The following PRDM5 variants were observed in gnomAD, a reference collection of about 807,000 sequenced individuals.
The protein encoded by PRDM5 is PR/SET domain 5, also known as PR domain zinc finger protein 5.
In PRDM5, 56 loss-of-function variants were observed where a neutral mutation model predicts 81.2. That is an observed-to-expected ratio of 0.69 (90% CI 0.56 to 0.86). The LOEUF is 0.86. Among genes scored for constraint, PRDM5 ranks in the 40% least tolerant of loss-of-function variants. The probability of loss-of-function intolerance (pLI) is 0.00; values close to 1 mark genes in which losing one functional copy is unlikely to be tolerated. For missense variants in PRDM5, 697 were observed against 770.1 expected (o/e 0.91, Z 1.12); for synonymous variants, 267 against 256.4 (o/e 1.04, Z -0.39).
At chr4:120,709,624 CT>C (rs1260095098) in intron 15 of PRDM5, among the ~76,000 whole-genome samples, 1 of 152,158 alleles carries the variant, frequency 6.6e-6, no homozygotes, top group Non-Finnish European at 1.5e-5. Context: ...CACAGCACAG[CT>C]TTAATGTTTT....
chr4:120,698,766 T>C (rs1734887743), intron 15 of PRDM5, among the ~76,000 whole-genome samples: 1 of 152,130 alleles, frequency 6.6e-6, no homozygotes, highest in Non-Finnish European at 1.5e-5. Flanking sequence ...TGTCTCACTC[T>C]TCCTCATCTG....
intron 2 of PRDM5, among the ~76,000 whole-genome samples, chr4:120,854,214 T>A (rs1262312209): frequency 2.0e-5 from 3 of 152,198 alleles, no homozygotes; most frequent in African/African-American, 7.2e-5. Context: ...GGGGAGTAAC[T>A]CCAAAAGCAG....
intron 2 of PRDM5, among the ~76,000 whole-genome samples, chr4:120,887,436 C>T (rs1408125571): frequency 1.3e-5 from 2 of 152,180 alleles, no homozygotes; most frequent in Non-Finnish European, 2.9e-5. Flanking sequence ...GCCTCTCTAC[C>T]TGTTCTCCAC....
At chr4:120,744,711 C>G (rs1014770907) in intron 14 of PRDM5, among the ~76,000 whole-genome samples, 4 of 151,482 alleles carry the variant, frequency 2.6e-5, no homozygotes, top group African/African-American at 9.7e-5. Flanking sequence ...GACACATACA[C>G]TCTCCCAAGA....
chr4:120,780,442 T>C (rs1210352318), intron 12 of PRDM5, among the ~76,000 whole-genome samples: 2 of 152,094 alleles, frequency 1.3e-5, no homozygotes, highest in Non-Finnish European at 2.9e-5. Flanking sequence ...AGACTCTGTC[T>C]CCAAAATAAG....
chr4:120,751,672 C>T (rs933759495), intron 14 of PRDM5, among the ~76,000 whole-genome samples: 4 of 152,186 alleles, frequency 2.6e-5, no homozygotes, highest in Non-Finnish European at 5.9e-5. Context: ...TCACCTCAAA[C>T]CCTGGTCTCT....
Position 120,803,270 on chromosome 4 carries a change from C to T in PRDM5, c.946-3525G>A, listed in dbSNP as rs183321985. ...AGTGACAGGGAGAATGGGACCAAGA[C>T]GGAAAACACTCTGCAGGATATTATC... On this transcript the variant is annotated intron_variant, in intron 8 of 15. Transcript: ENST00000264808. Among the ~76,000 whole-genome samples the T allele has an allele frequency of 1.2e-4, 18 of 152,244 alleles. No individual in the cohort carries two copies. In the East Asian group the frequency reaches 3.1e-3, roughly 26 times the overall value.
At chr4:120,713,690 T>C (rs1252516603) in intron 14 of PRDM5, among the ~76,000 whole-genome samples, 2 of 152,212 alleles carry the variant, frequency 1.3e-5, no homozygotes, top group Non-Finnish European at 2.9e-5. Flanking sequence ...ACAGGTACTG[T>C]AGAACGATCC....
At chr4:120,836,942 A>G (rs1436791018) in intron 3 of PRDM5, among the ~76,000 whole-genome samples, 1 of 152,194 alleles carries the variant, frequency 6.6e-6, no homozygotes, top group African/African-American at 2.4e-5. Flanking sequence ...AATAAACCCA[A>G]TATAAAGGGC....
intron 10 of PRDM5, among the ~76,000 whole-genome samples, chr4:120,789,377 A>T (rs995483685): frequency 6.6e-6 from 1 of 152,210 alleles, no homozygotes; most frequent in Non-Finnish European, 1.5e-5. Context: ...GAAATTAAGG[A>T]CCATTTACAA....
chr4:120,874,358 G>A (rs1307262065), intron 2 of PRDM5, among the ~76,000 whole-genome samples: 1 of 152,092 alleles, frequency 6.6e-6, no homozygotes, highest in Admixed American at 6.5e-5. Flanking sequence ...ATGCAAAGTG[G>A]GAGTAGAAAG....
chr4:120,816,915 C>T lies in PRDM5; in HGVS notation c.660G>A (p.Gln220=), dbSNP rs74320998. The change falls in exon 6 of 16, where the codon CAG becomes CAA. Residue 220 remains glutamine (Q), a synonymous_variant. Coordinates refer to ENST00000264808, the MANE Select transcript of PRDM5 (RefSeq NM_018699.4). The stretch of plus-strand genomic sequence containing the variant: ...CCTTTAGACTGCTTTTCGCTGTGCA[C>T]TGAAGAACACTAAAGGGAAATAGGA... The part of the protein sequence containing the change: ...VKQALQRHVL[Q]CTAKSSLKES... 51,953 of 1,609,688 alleles carry T rather than the reference C, an allele frequency of 0.032. 1,014 individuals carry two copies. Among genetic ancestry groups the T allele is most frequent in the Non-Finnish European group, 0.039 (45,444 of 1,175,976 alleles).
At chr4:120,787,824 C>T (rs12509912) in intron 10 of PRDM5, among the ~76,000 whole-genome samples, 30,287 of 151,966 alleles carry the variant, frequency 0.2, 3,672 homozygotes, top group Non-Finnish European at 0.28. Context: ...ATGTCTAGCA[C>T]TACAGGTACT....
chr4:120,844,952 A>G (rs1015949933), intron 3 of PRDM5, among the ~76,000 whole-genome samples: 2 of 152,256 alleles, frequency 1.3e-5, no homozygotes, highest in African/African-American at 4.8e-5. Context: ...AGAAAGTTTG[A>G]GTGGTCTGGA....
intron 2 of PRDM5, among the ~76,000 whole-genome samples, chr4:120,857,802 G>T (rs146035902): frequency 5.3e-5 from 8 of 152,142 alleles, no homozygotes; most frequent in Admixed American, 1.3e-4. Context: ...GTTAAATTGG[G>T]TCAACTATAG....
At chr4:120,727,329 T>C (rs1197517677) in intron 14 of PRDM5, among the ~76,000 whole-genome samples, 6 of 150,446 alleles carry the variant, frequency 4.0e-5, no homozygotes. Context: ...GTGTATGAAA[T>C]GAAACATATA....
At chr4:120,712,160 C>A (rs1160895567) in intron 14 of PRDM5, among the ~76,000 whole-genome samples, 1 of 152,026 alleles carries the variant, frequency 6.6e-6, no homozygotes, top group Non-Finnish European at 1.5e-5. Context: ...GTGGCGGGCA[C>A]CTGTAATTCC....
At chr4:120,699,161 A>AATATAAATATAAAT (rs1286927101) in intron 15 of PRDM5, among the ~76,000 whole-genome samples, 1 of 73,482 alleles carries the variant, frequency 1.4e-5, no homozygotes, top group Non-Finnish European at 2.9e-5. Flanking sequence ...AGGAAATATA[A>AATATAAATATAAAT]ATATATATAT....
At chr4:120,829,326 T>C (rs1307716942) in intron 3 of PRDM5, among the ~76,000 whole-genome samples, 1 of 152,082 alleles carries the variant, frequency 6.6e-6, no homozygotes, top group Non-Finnish European at 1.5e-5. Flanking sequence ...CACAGAAACA[T>C]TTACTCCTAG....
Sources: allele counts gnomAD v4.1 joint callset (sites outside exome capture counted in the v4.1 genomes callset), GRCh38; gene constraint gnomAD v4.1.1; transcripts MANE v1.5; gene names NCBI Gene and HGNC (gene_info 2026-07-23, HGNC 2026-07-21).